BRWD3: variants seen among roughly 807,000 people sequenced by gnomAD.
BRWD3 encodes the protein bromodomain and WD repeat domain containing 3, also known as bromodomain and WD repeat-containing protein 3.
A neutral mutation model predicts 149.7 loss-of-function variants in BRWD3; 10 were observed. The observed-to-expected ratio is 0.07, with a 90% CI of 0.04 to 0.11. The LOEUF is 0.11. Ranked by LOEUF, BRWD3 falls within the 10% of genes least tolerant of loss-of-function variation. The probability of loss-of-function intolerance (pLI) is 1.00; values close to 1 mark genes in which losing one functional copy is unlikely to be tolerated. For synonymous variants in BRWD3, 504 were observed against 456.7 expected (o/e 1.10, Z -1.32); for missense variants, 940 against 1,373.2 (o/e 0.68, Z 4.99).
At chrX:80,771,271 A>G (rs1194206829) in intron 6 of BRWD3, among the ~76,000 whole-genome samples, 2 of 111,799 alleles carry the variant, frequency 1.8e-5, no homozygotes, top group Non-Finnish European at 3.8e-5. Context: ...ATACGGAACC[A>G]AAAAAGAGCC....
At chrX:80,764,603 G>A (rs1445146993) in intron 6 of BRWD3, among the ~76,000 whole-genome samples, 4 of 110,197 alleles carry the variant, frequency 3.6e-5, no homozygotes, top group Admixed American at 9.7e-5. Flanking sequence ...GTGAGCCACC[G>A]CGCCCAGCCT....
chrX:80,777,556 C>T lies in BRWD3; in HGVS notation c.430+14298G>A, dbSNP rs1214132026. Among the ~76,000 whole-genome samples the T allele has an allele frequency of 2.7e-5, 3 of 110,027 alleles. No individual in the cohort carries two copies. The East Asian group carries it at 8.6e-4, about 31-fold the overall frequency. On this transcript the variant is annotated intron_variant, in intron 6 of 40. Coordinates refer to ENST00000373275, the MANE Select transcript of BRWD3 (RefSeq NM_153252.5). ...TATAGGCACACAGCACCACACCTGG[C>T]TAATTTTTTATTGTTTAATTTTTGT...
At chrX:80,745,548 T>C (rs771601726) in intron 7 of BRWD3, 21 bp downstream of exon 7, 1 of 1,181,079 alleles carries the variant, frequency 8.5e-7, no homozygotes, top group Middle Eastern at 2.3e-4. Flanking sequence ...TATGTTACCA[T>C]ATTATAAATT....
At chrX:80,693,618 A>C (rs1468460768) in intron 27 of BRWD3, among the ~76,000 whole-genome samples, 1 of 111,919 alleles carries the variant, frequency 8.9e-6, no homozygotes, top group Admixed American at 9.5e-5. Flanking sequence ...CACTCATGCT[A>C]TGCTATAATA....
intron 7 of BRWD3, among the ~76,000 whole-genome samples, chrX:80,744,642 C>T (rs1346172096): frequency 8.9e-6 from 1 of 111,997 alleles, no homozygotes; most frequent in Non-Finnish European, 1.9e-5. Flanking sequence ...AACCTAAAGT[C>T]TACATGCATT....
chrX:80,705,462 A>G (rs1161400318), intron 22 of BRWD3, among the ~76,000 whole-genome samples: 2 of 111,522 alleles, frequency 1.8e-5, no homozygotes, highest in African/African-American at 6.5e-5. Context: ...GAAATGCTGA[A>G]GTGGGATTGT....
At chrX:80,752,910 C>T (rs2073687772) in intron 6 of BRWD3, among the ~76,000 whole-genome samples, 1 of 112,086 alleles carries the variant, frequency 8.9e-6, no homozygotes, top group South Asian at 3.7e-4. Flanking sequence ...GGTGATCCAC[C>T]AGCCTCAGCC....
Position 80,719,579 on chromosome X carries a change from T to C in BRWD3, c.1954A>G (p.Arg652Gly), listed in dbSNP as rs2073116279. The C allele has an allele frequency of 8.3e-7, 1 of 1,207,922 alleles. No homozygotes were observed. Among genetic ancestry groups the C allele is most frequent in the Non-Finnish European group, 1.1e-6 (1 of 893,817 alleles). ...QDESILDGIIRELQREQDLRL... is the reference protein window; with the variant it reads ...QDESILDGIIGELQREQDLRL... The stretch of plus-strand genomic sequence containing the variant: ...AGGTCTTGTTCTCTCTGCAGCTCCC[T>C]GATTATTCCATCAAGAATGCTCTCA... Residue 652 changes from arginine (R) to glycine (G), a missense_variant, in exon 18 of 41, where the codon AGG becomes GGG. Coordinates refer to ENST00000373275, the MANE Select transcript of BRWD3 (RefSeq NM_153252.5).
chrX:80,713,495 T>C (rs749415832), intron 20 of BRWD3, among the ~76,000 whole-genome samples: 78 of 109,869 alleles, frequency 7.1e-4, no homozygotes, highest in African/African-American at 1.1e-3. Flanking sequence ...GAAGGCAGCA[T>C]GCTCCTTAAG....
intron 15 of BRWD3, 138 bp from the exon 16 acceptor site, chrX:80,724,014 A>AG: frequency 2.9e-6 from 2 of 699,774 alleles, no homozygotes; most frequent in Non-Finnish European, 4.3e-6. Context: ...CTGCAGCCAG[A>AG]ACCCTACTGA....
intron 14 of BRWD3, 127 bp downstream of exon 14, chrX:80,728,625 T>C (rs1208620275): frequency 3.5e-6 from 2 of 563,473 alleles, no homozygotes; most frequent in Non-Finnish European, 5.6e-6. Flanking sequence ...CAGAGCCCTC[T>C]CAGAAAATCA....
intron 6 of BRWD3, among the ~76,000 whole-genome samples, chrX:80,791,295 A>G (rs2074179966): frequency 9.0e-6 from 1 of 111,575 alleles, no homozygotes; most frequent in Non-Finnish European, 1.9e-5. Context: ...GGTTTTGCAC[A>G]TACTTTGTGA....
chrX:80,715,099 T>C (rs979374242), intron 20 of BRWD3, among the ~76,000 whole-genome samples: 1 of 110,683 alleles, frequency 9.0e-6, no homozygotes, highest in Non-Finnish European at 1.9e-5. Context: ...AGTAAAAATA[T>C]CTACAGACCT....
intron 6 of BRWD3, among the ~76,000 whole-genome samples, chrX:80,769,872 AAG>A (rs2073914519): frequency 9.0e-6 from 1 of 111,602 alleles, no homozygotes; most frequent in Admixed American, 9.5e-5. Context: ...TAAAGAAGAA[AAG>A]AGAGAAGAAT....
At chrX:80,801,072 G>C (rs918012930) in intron 4 of BRWD3, among the ~76,000 whole-genome samples, 1 of 108,929 alleles carries the variant, frequency 9.2e-6, no homozygotes, top group Non-Finnish European at 1.9e-5. Flanking sequence ...AAAGAACCCA[G>C]TACCAACTAG....
chrX:80,726,069 T>G (rs1377030714), intron 14 of BRWD3, among the ~76,000 whole-genome samples: 1 of 627 alleles, frequency 1.6e-3, no homozygotes, highest in East Asian at 0.5. Flanking sequence ...CACAACATGT[T>G]TACATGTTGT....
At chrX:80,736,320 TTA>T (rs1372741071) in intron 8 of BRWD3, among the ~76,000 whole-genome samples, 2 of 111,824 alleles carry the variant, frequency 1.8e-5, no homozygotes, top group African/African-American at 6.5e-5. Context: ...GTAAAATGTT[TTA>T]GTTATAAAAA....
chrX:80,744,750 A>T (rs2073567029), intron 7 of BRWD3, among the ~76,000 whole-genome samples: 1 of 111,767 alleles, frequency 8.9e-6, no homozygotes, highest in Non-Finnish European at 1.9e-5. Context: ...GTAAAAAGCA[A>T]TTCTACTCTA....
intron 40 of BRWD3, among the ~76,000 whole-genome samples, chrX:80,680,419 TAACA>T (rs763172862): frequency 1.4e-4 from 16 of 112,350 alleles, no homozygotes; most frequent in Non-Finnish European, 3.0e-4. Context: ...TTATATGAAA[TAACA>T]AACAGAACTG....
Sources: gnomAD v4.1 joint callset for allele counts (sites outside exome capture counted in the v4.1 genomes callset) on GRCh38, gnomAD v4.1.1 for gene constraint, MANE v1.5 for transcripts, NCBI Gene and HGNC (gene_info 2026-07-23, HGNC 2026-07-21) for gene names.